The following SPTB variants were observed in gnomAD, a reference collection of about 807,000 sequenced individuals.
SPTB encodes the protein spectrin beta, erythrocytic.
Under a neutral mutation model 256.2 loss-of-function variants are expected in SPTB, and 45 were observed. That is an observed-to-expected ratio of 0.18 (90% CI 0.14 to 0.23). The LOEUF (loss-of-function observed/expected upper bound fraction) is 0.23, where lower values mean the gene tolerates loss of function less well. Among genes scored for constraint, SPTB ranks in the 10% least tolerant of loss-of-function variants. The pLI, the probability that SPTB is intolerant of heterozygous loss-of-function variation, is 1.00. For missense variants in SPTB, 2,715 were observed against 3,040.4 expected (o/e 0.89, Z 2.52); for synonymous variants, 1,231 against 1,243.1 (o/e 0.99, Z 0.21).
In SPTB at chr14:64,749,701, G is replaced by A. The variant is rs1448359020; in HGVS notation, c.6777-5C>T. 3 of 1,613,728 alleles carry A rather than the reference G, an allele frequency of 1.9e-6. No individual in the cohort carries two copies. Among genetic ancestry groups the A allele is most frequent in the East Asian group, 2.2e-5 (1 of 44,868 alleles). On this transcript the variant is annotated splice_polypyrimidine_tract_variant and splice_region_variant and intron_variant, in intron 34 of 35. Transcript: ENST00000644917. The surrounding 1 kb of genome is among the most constrained non-coding windows in gnomAD (Gnocchi z 4.7). ...CACTCGCTGCCATTACTCAGCCTAGGAGGACAAAGGGTTTCCTGTCATGGA... is the reference window on the plus strand; with the variant it reads ...CACTCGCTGCCATTACTCAGCCTAGAAGGACAAAGGGTTTCCTGTCATGGA...
At position 64,875,735 on chromosome 14, in the gene SPTB, CA is replaced by C. The variant is rs1002823817; in HGVS notation, c.-52+4056del. Among the ~76,000 whole-genome samples, 296 of 144,038 alleles carry C rather than the reference CA, an allele frequency of 2.1e-3. 1 individual carries two copies. Among genetic ancestry groups the C allele is most frequent in the Middle Eastern group, 0.011 (3 of 280 alleles). The allele number at this position is 144,038 out of a possible 152,430, so 94.5% of individuals were successfully genotyped here. ...TTCAAAGATAAAATTCTTCTTTCCA[CA>C]GTCATTTTTGGCTTGTGATATCCAT... On this transcript the variant is annotated intron_variant, in intron 1 of 35. Transcript: ENST00000644917.
At chr14:64,753,929 GC>G in intron 32 of SPTB, 136 bp from the exon 33 acceptor site, 1 of 1,164,756 alleles carries the variant, frequency 8.6e-7, no homozygotes, top group Non-Finnish European at 1.2e-6. Context: ...CCACCTCCTG[GC>G]CCACCCTGGC....
chr14:64,772,085 G>A lies in SPTB; in HGVS notation c.5553+495C>T, dbSNP rs558572142. On this transcript the variant is annotated intron_variant, in intron 26 of 35. Coordinates refer to ENST00000644917, the MANE Select transcript of SPTB (RefSeq NM_001355436.2). This position sits in a 1 kb window ranked among gnomAD's most constrained non-coding sequence, Gnocchi z 5.4. ...CCCATGTGGAAAGGCTGAAGTGCCCGGTGGCTAAGTATGTGGGGTCTATAG... is the reference window on the plus strand; with the variant it reads ...CCCATGTGGAAAGGCTGAAGTGCCCAGTGGCTAAGTATGTGGGGTCTATAG... Among the ~76,000 whole-genome samples the A allele has an allele frequency of 3.3e-5, 5 of 152,198 alleles. No homozygotes were observed. The South Asian group carries it at 6.2e-4, about 19-fold the overall frequency.
At chr14:64,791,954 T>G in intron 14 of SPTB, 98 bp from the exon 15 acceptor site, 3 of 1,523,228 alleles carry the variant, frequency 2.0e-6, no homozygotes, top group Non-Finnish European at 2.7e-6. Context: ...AGCTCTTGCT[T>G]TCTCCTTCCA....
chr14:64,805,824 T>C (rs1413315188), intron 2 of SPTB, among the ~76,000 whole-genome samples: 1 of 152,200 alleles, frequency 6.6e-6, no homozygotes, highest in East Asian at 1.9e-4. Flanking sequence ...AGGAAAATGA[T>C]GAGCAAGGGA....
chr14:64,805,701 G>A (rs1163038307), intron 2 of SPTB, among the ~76,000 whole-genome samples: 1 of 152,152 alleles, frequency 6.6e-6, no homozygotes, highest in Non-Finnish European at 1.5e-5. Flanking sequence ...CTGTATTGTG[G>A]CTGTCTGTAC....
intron 1 of SPTB, among the ~76,000 whole-genome samples, chr14:64,854,484 T>C (rs1321753204): frequency 2.0e-5 from 3 of 151,570 alleles, no homozygotes; most frequent in Non-Finnish European, 4.4e-5. Flanking sequence ...TTCACCGTGT[T>C]AGCCAGGATG....
rs750835527 is a variant in SPTB at position 64,766,733 on chromosome 14, G to A, written c.6338C>T (p.Thr2113Met). 1.5e-5 allele frequency: 25 copies of A among 1,613,290 alleles called. No homozygotes were observed. The highest frequency in any genetic ancestry group is 1.1e-4 in the East Asian group (5 of 44,880). The change falls in exon 32 of 36, where the codon ACG (threonine) becomes ATG (methionine). Residue 2113 changes from threonine (T) to methionine (M), a missense_variant. By Grantham distance (81) the Thr-to-Met change is moderately conservative. Around this residue, in one of 4 missense-constraint regions of SPTB, gnomAD observed 2,239 missense variants for 2,384.4 expected, o/e 0.94. Coordinates refer to ENST00000644917, the MANE Select transcript of SPTB (RefSeq NM_001355436.2). The part of the protein sequence containing the change: ...PVSHHAATER[T>M]SPGEEEGTWP... ...ACGAGACCAGAGACTGACCGGGGAC[G>A]TTCTCTCGGTGGCCGCATGGTGGGA...
rs1014918697 is a variant in SPTB, at chr14:64,853,098, G to A, written c.-52+26694C>T. 3.3e-5 allele frequency among the ~76,000 whole-genome samples: 5 copies of A among 152,040 alleles called. No homozygotes were observed. The highest frequency in any genetic ancestry group is 3.3e-4 in the Admixed American group (5 of 15,270). On this transcript the variant is annotated intron_variant, in intron 1 of 35. Transcript: ENST00000644917. This position sits in a 1 kb window ranked among gnomAD's most constrained non-coding sequence, Gnocchi z 4.3. Reference sequence around the variant, plus strand: ...AGGCAATGGGACAAATAAGAGACAGGCAAAGAATGGGGAAAGAGCATGTGC... The same window carrying A: ...AGGCAATGGGACAAATAAGAGACAGACAAAGAATGGGGAAAGAGCATGTGC...
intron 1 of SPTB, among the ~76,000 whole-genome samples, chr14:64,851,864 G>C (rs528624904): frequency 2.0e-5 from 3 of 151,986 alleles, no homozygotes; most frequent in South Asian, 2.1e-4. Flanking sequence ...GGCCTGTTGT[G>C]GGGGGTGGAG....
At chr14:64,876,881 G>A (rs1045722140) in intron 1 of SPTB, among the ~76,000 whole-genome samples, 1 of 152,316 alleles carries the variant, frequency 6.6e-6, no homozygotes, top group Admixed American at 6.5e-5. Context: ...GGCCTTGAGA[G>A]TGAGACAGGA....
chr14:64,817,619 C>T (rs962551432), intron 2 of SPTB, among the ~76,000 whole-genome samples: 2 of 152,236 alleles, frequency 1.3e-5, no homozygotes, highest in African/African-American at 2.4e-5. Context: ...GGGGGTGAGG[C>T]CCTGCTCCCT....
At chr14:64,763,944 G>T in intron 32 of SPTB, 10 of 509,282 alleles carry the variant, frequency 2.0e-5, no homozygotes, top group South Asian at 1.4e-4. Context: ...CCACCCTGTG[G>T]TGTGCAGCTG....
intron 2 of SPTB, among the ~76,000 whole-genome samples, chr14:64,811,428 G>T (rs1264002597): frequency 6.6e-6 from 1 of 152,076 alleles, no homozygotes; most frequent in South Asian, 2.1e-4. Flanking sequence ...TAATCATAAA[G>T]ACATTTTTAA....
chr14:64,796,504 GGGGCTCTGA>G lies in SPTB; in HGVS notation c.1341+44_1341+52del. 1 of 1,612,650 alleles carries G rather than the reference GGGGCTCTGA, an allele frequency of 6.2e-7. No individual in the cohort carries two copies. The highest frequency in any genetic ancestry group is 8.5e-7 in the Non-Finnish European group (1 of 1,179,564). ...TGGACTCCAGCCCAGCCAAGAGCTGGGGGCTCTGAAGAATGTCCCCTCTCCTGTCACCCA... is the reference window on the plus strand; with the variant it reads ...TGGACTCCAGCCCAGCCAAGAGCTGGAGAATGTCCCCTCTCCTGTCACCCA... On this transcript the variant is annotated intron_variant, in intron 11 of 35. Coordinates refer to ENST00000644917, the MANE Select transcript of SPTB (RefSeq NM_001355436.2). The surrounding 1 kb of genome is among the most constrained non-coding windows in gnomAD (Gnocchi z 4.1).
chr14:64,869,138 T>A (rs1882366799), intron 1 of SPTB, among the ~76,000 whole-genome samples: 1 of 152,148 alleles, frequency 6.6e-6, no homozygotes, highest in African/African-American at 2.4e-5. Context: ...CACACATGGG[T>A]TCAAGTCCAG....
intron 32 of SPTB, chr14:64,754,548 C>T (rs1183409309): frequency 1.3e-5 from 2 of 154,848 alleles, no homozygotes; most frequent in African/African-American, 4.8e-5. Context: ...ATTGGTATCT[C>T]TTACTGAGCA....
chr14:64,751,098 TAATA>T (rs1488569045), intron 33 of SPTB, among the ~76,000 whole-genome samples: 4 of 146,344 alleles, frequency 2.7e-5, no homozygotes, highest in South Asian at 4.2e-4. Flanking sequence ...ATATTATACA[TAATA>T]TATATAATAT....
At chr14:64,819,169 A>C (rs919438784) in intron 2 of SPTB, among the ~76,000 whole-genome samples, 1 of 152,038 alleles carries the variant, frequency 6.6e-6, no homozygotes, top group South Asian at 2.1e-4. Context: ...AGTTAGGCTG[A>C]CTCCCAGTTT....
Sources: allele counts gnomAD v4.1 joint callset (sites outside exome capture counted in the v4.1 genomes callset), GRCh38; gene constraint gnomAD v4.1.1; regional missense constraint gnomAD v4.1.1; non-coding constraint Gnocchi (gnomAD v3.1); transcripts MANE v1.5; gene names NCBI Gene and HGNC (gene_info 2026-07-23, HGNC 2026-07-21).